OSBPL10: variants seen among roughly 807,000 people sequenced by gnomAD.
OSBPL10 encodes the protein oxysterol binding protein like 10.
Under a neutral mutation model 81.7 loss-of-function variants are expected in OSBPL10, and 49 were observed. That is an observed-to-expected ratio of 0.60 (90% CI 0.48 to 0.76). The LOEUF is 0.76. Among genes scored for constraint, OSBPL10 ranks in the 30% least tolerant of loss-of-function variants. OSBPL10 has a pLI of 0.00. For missense variants in OSBPL10, 923 were observed against 987.8 expected (o/e 0.93, Z 0.88); for synonymous variants, 419 against 383.6 (o/e 1.09, Z -1.08).
At chr3:31,976,868 GTCT>G (rs1235831598) in intron 1 of OSBPL10, among the ~76,000 whole-genome samples, 7 of 152,128 alleles carry the variant, frequency 4.6e-5, no homozygotes, top group African/African-American at 1.2e-4. Flanking sequence ...CGTTCGCAGT[GTCT>G]TCTTTTCTCC....
At chr3:31,838,853 C>G (rs1700427223) in intron 3 of OSBPL10, among the ~76,000 whole-genome samples, 1 of 152,332 alleles carries the variant, frequency 6.6e-6, no homozygotes, top group Non-Finnish European at 1.5e-5. Context: ...TTTTAATTAA[C>G]TATTCCTAAT....
At chr3:31,925,392 C>T (rs1203973313) in intron 1 of OSBPL10, among the ~76,000 whole-genome samples, 1 of 152,144 alleles carries the variant, frequency 6.6e-6, no homozygotes, top group Non-Finnish European at 1.5e-5. Context: ...CAATATAAGA[C>T]AACTCACTGC....
rs10529845 is a variant in OSBPL10, at chr3:31,895,134, C to CTT, written c.282-15306_282-15305dup. 7.3e-3 allele frequency among the ~76,000 whole-genome samples: 907 copies of CTT among 124,890 alleles called. 6 individuals are homozygous for CTT. Among genetic ancestry groups the CTT allele is most frequent in the Non-Finnish European group, 0.011 (652 of 61,276 alleles). The allele number at this position is 124,890 out of a possible 152,430, so 81.9% of individuals were successfully genotyped here. On this transcript the variant is annotated intron_variant, in intron 1 of 11. Transcript: ENST00000396556. ...GCTGCATATTAGAATTCTCTGCGGC[C>CTT]TTTTTTTTTTTTTTTTTTAGACGGA...
rs577625008 is a variant in OSBPL10, at chr3:31,894,752, T to C, written c.282-14922A>G. On this transcript the variant is annotated intron_variant, in intron 1 of 11. Coordinates refer to ENST00000396556, the MANE Select transcript of OSBPL10 (RefSeq NM_017784.5). ...GATTGATTAGCGGTCTGAAACCAGG[T>C]GTGGCAGAGACAGACTACTACCCAC... is the stretch of plus-strand genomic sequence containing the variant. Among the ~76,000 whole-genome samples the C allele has an allele frequency of 7.6e-4, 115 of 152,308 alleles. 2 individuals carry two copies. Among genetic ancestry groups the C allele is most frequent in the African/African-American group, 2.6e-3 (109 of 41,570 alleles).
intron 3 of OSBPL10, among the ~76,000 whole-genome samples, chr3:31,875,478 G>T (rs958406159): frequency 1.3e-5 from 2 of 151,726 alleles, no homozygotes; most frequent in Admixed American, 1.3e-4. Context: ...TGAAGATTCG[G>T]CTTAGGGCAA....
chr3:31,946,914 G>T (rs1299095846), intron 1 of OSBPL10, among the ~76,000 whole-genome samples: 1 of 152,218 alleles, frequency 6.6e-6, no homozygotes, highest in Non-Finnish European at 1.5e-5. Context: ...GTCCAGACCA[G>T]ATGCAAGGAG....
At chr3:31,814,838 T>C (rs756583984) in intron 4 of OSBPL10, among the ~76,000 whole-genome samples, 25 of 152,228 alleles carry the variant, frequency 1.6e-4, no homozygotes, top group Non-Finnish European at 4.4e-5. Flanking sequence ...GCTACATTCA[T>C]ATACCTAAGG....
In OSBPL10 at chr3:31,831,020, G is replaced by T. The variant is rs546219380; in HGVS notation, c.538-789C>A. Among the ~76,000 whole-genome samples the T allele has an allele frequency of 3.9e-5, 6 of 152,146 alleles. No individual in the cohort carries two copies. The South Asian group carries it at 1.2e-3, about 32-fold the overall frequency. ...AGCTGGATTCATCTCTCAGATCACA[G>T]ATCTCGAATGGATCAAAGATTTAAG... On this transcript the variant is annotated intron_variant, in intron 3 of 11. Transcript: ENST00000396556.
intron 4 of OSBPL10, among the ~76,000 whole-genome samples, chr3:31,750,562 A>C (rs1697679423): frequency 6.6e-6 from 1 of 152,226 alleles, no homozygotes; most frequent in South Asian, 2.1e-4. Flanking sequence ...ACTTCAAACA[A>C]GATAAAACGT....
chr3:31,996,651 T>C (rs955930380), intron 2 of OSBPL10, among the ~76,000 whole-genome samples: 2 of 152,202 alleles, frequency 1.3e-5, no homozygotes, highest in African/African-American at 4.8e-5. Context: ...AGAAAGAAGC[T>C]GTTGCCGGGT....
intron 4 of OSBPL10, chr3:31,794,856 G>A: frequency 2.6e-6 from 1 of 378,478 alleles, no homozygotes; most frequent in Non-Finnish European, 5.2e-6. Flanking sequence ...GGAAAAAACT[G>A]GATGACACTG....
intron 8 of OSBPL10, among the ~76,000 whole-genome samples, chr3:31,674,640 C>G (rs888657624): frequency 6.6e-6 from 1 of 150,926 alleles, no homozygotes; most frequent in Non-Finnish European, 1.5e-5. Context: ...GAAAAGAGTC[C>G]GACACCTCCC....
chr3:31,864,535 C>T (rs182575101), intron 3 of OSBPL10, among the ~76,000 whole-genome samples: 7 of 152,180 alleles, frequency 4.6e-5, no homozygotes, highest in Non-Finnish European at 1.0e-4. Flanking sequence ...CCACCGCACC[C>T]GACCATATAC....
At chr3:31,866,518 C>T (rs76443328) in intron 3 of OSBPL10, among the ~76,000 whole-genome samples, 1 of 152,170 alleles carries the variant, frequency 6.6e-6, no homozygotes, top group Non-Finnish European at 1.5e-5. Flanking sequence ...GGGTGCCAAG[C>T]CAGCCCATTT....
At chr3:31,876,651 C>G in intron 2 of OSBPL10, 139 bp from the exon 3 acceptor site, 1 of 669,354 alleles carries the variant, frequency 1.5e-6, no homozygotes, top group South Asian at 1.7e-5. Context: ...AAGCACAGAT[C>G]ACAACGTTCT....
At chr3:32,050,430 T>C (rs1368134664) in intron 1 of OSBPL10, among the ~76,000 whole-genome samples, 1 of 152,216 alleles carries the variant, frequency 6.6e-6, no homozygotes, top group Non-Finnish European at 1.5e-5. Context: ...CATGAACAAC[T>C]TCTAACTTCC....
intron 3 of OSBPL10, among the ~76,000 whole-genome samples, chr3:31,839,740 A>G (rs1188302268): frequency 6.6e-6 from 1 of 151,488 alleles, no homozygotes; most frequent in Non-Finnish European, 1.5e-5. Flanking sequence ...GGTGGAAGTG[A>G]GCAAAGCATA....
chr3:31,699,552 G>A (rs1236175341), intron 7 of OSBPL10, among the ~76,000 whole-genome samples: 1 of 152,246 alleles, frequency 6.6e-6, no homozygotes, highest in Admixed American at 6.5e-5. Flanking sequence ...GCTACATGCT[G>A]TGTGGGGCAC....
intron 4 of OSBPL10, among the ~76,000 whole-genome samples, chr3:31,812,718 A>AAAAGAAAGAAAGAAAGAAAGAAAGAAAG (rs140026828): frequency 3.8e-4 from 16 of 41,916 alleles, no homozygotes; most frequent in African/African-American, 4.4e-4. Flanking sequence ...TAGGCAAAAA[A>AAAAGAAAGAAAGAAAGAAAGAAAGAAAG]AAAGAAAGAA....
Sources: allele counts gnomAD v4.1 joint callset (sites outside exome capture counted in the v4.1 genomes callset), GRCh38; gene constraint gnomAD v4.1.1; transcripts MANE v1.5; gene names NCBI Gene and HGNC (gene_info 2026-07-23, HGNC 2026-07-21).